Variants in UBE3B observed in about 807,000 individuals in gnomAD.
UBE3B encodes the protein ubiquitin-protein ligase E3B.
Under a neutral mutation model 132.3 loss-of-function variants are expected in UBE3B, and 80 were observed. The ratio of observed to expected loss-of-function variants is 0.60; its 90% confidence interval spans 0.50 to 0.73. UBE3B has a LOEUF of 0.73. UBE3B is among the 30% of genes least tolerant of loss of function. The pLI is 0.00. For missense variants in UBE3B, 1,196 were observed against 1,362.5 expected, an observed-to-expected ratio of 0.88 and a Z score of 1.92; for synonymous variants, 487 against 520.4, an observed-to-expected ratio of 0.94 and a Z score of 0.87.
intron 1 of UBE3B, among the ~76,000 whole-genome samples, chr12:109,481,036 C>T (rs535481493): frequency 2.9e-4 from 44 of 150,122 alleles, no homozygotes; most frequent in South Asian, 1.1e-3. Context: ...ACCCGGGAGG[C>T]GGAGCTTGCA....
intron 18 of UBE3B, among the ~76,000 whole-genome samples, chr12:109,514,147 C>G (rs1426973123): frequency 1.3e-5 from 2 of 152,176 alleles, no homozygotes; most frequent in African/African-American, 4.8e-5. Flanking sequence ...ATCGCTTTTA[C>G]CTGTTTATGT....
At chr12:109,530,158 GT>G in intron 25 of UBE3B, 86 bp downstream of exon 25, 1 of 1,496,942 alleles carries the variant, frequency 6.7e-7, no homozygotes, top group Non-Finnish European at 9.1e-7. Flanking sequence ...TTAGAGAGTT[GT>G]TTTAGGAGCC....
At chr12:109,491,971 A>T (rs1877528363) in intron 9 of UBE3B, 1 of 152,196 alleles carries the variant, frequency 6.6e-6, no homozygotes, top group Admixed American at 6.5e-5. Flanking sequence ...TTTCCATGGA[A>T]AACCTATTTG....
chr12:109,485,037 G>A (rs1376573084), intron 4 of UBE3B, among the ~76,000 whole-genome samples: 5 of 152,172 alleles, frequency 3.3e-5, no homozygotes, highest in African/African-American at 7.2e-5. Context: ...GATTACAGGC[G>A]TGAGCTACCA....
At chr12:109,508,447 A>G in intron 15 of UBE3B, 1 of 914,462 alleles carries the variant, frequency 1.1e-6, no homozygotes, top group Non-Finnish European at 1.3e-6. Flanking sequence ...ATTAACAAAC[A>G]TTAGTCCCAT....
intron 26 of UBE3B, among the ~76,000 whole-genome samples, chr12:109,531,274 G>A (rs1882913206): frequency 6.6e-6 from 1 of 152,186 alleles, no homozygotes; most frequent in South Asian, 2.1e-4. Flanking sequence ...AGTTGTAAAT[G>A]TTCAAAATAT....
At chr12:109,500,431 C>T (rs1477744298) in intron 12 of UBE3B, among the ~76,000 whole-genome samples, 1 of 152,170 alleles carries the variant, frequency 6.6e-6, no homozygotes, top group African/African-American at 2.4e-5. Context: ...GCATGGGGTC[C>T]CTGGCAGTTA....
At chr12:109,493,637 AC>A (rs1566081799) in intron 9 of UBE3B, among the ~76,000 whole-genome samples, 1 of 152,192 alleles carries the variant, frequency 6.6e-6, no homozygotes, top group East Asian at 1.9e-4. Flanking sequence ...CACAATCAGG[AC>A]CTTTTAAAGT....
intron 1 of UBE3B, among the ~76,000 whole-genome samples, chr12:109,478,564 T>G (rs1874746737): frequency 6.6e-6 from 1 of 152,194 alleles, no homozygotes; most frequent in African/African-American, 2.4e-5. Flanking sequence ...GCGGATCACC[T>G]GAGGTCAGAA....
At chr12:109,495,736 G>A (rs1211588912) in intron 9 of UBE3B, among the ~76,000 whole-genome samples, 1 of 152,236 alleles carries the variant, frequency 6.6e-6, no homozygotes, top group African/African-American at 2.4e-5. Context: ...AAAGGGATGG[G>A]CTCTGGCTAG....
chr12:109,534,553 G>A lies in UBE3B; in HGVS notation c.3016-38G>A, dbSNP rs1285412402. ...GGCATCAGCCTGGGCTCCCAAACTA[G>A]GCCCTTCCCAATTCAAGGCCACGAT... is the stretch of plus-strand genomic sequence containing the variant. On this transcript the variant is annotated intron_variant, in intron 27 of 27. Coordinates refer to ENST00000342494, the MANE Select transcript of UBE3B (RefSeq NM_130466.4). This position sits in a 1 kb window ranked among gnomAD's most constrained non-coding sequence, Gnocchi z 5.2. The A allele has an allele frequency of 1.9e-6, 3 of 1,572,682 alleles. No individual in the cohort carries two copies. Among genetic ancestry groups the A allele is most frequent in the Middle Eastern group, 1.7e-4 (1 of 5,738 alleles).
chr12:109,530,744 C>T, intron 26 of UBE3B, 86 bp downstream of exon 26: 3 of 1,326,864 alleles, frequency 2.3e-6, no homozygotes, highest in Non-Finnish European at 3.2e-6. Flanking sequence ...GCTGAAGAAA[C>T]TGAAATTATC....
chr12:109,500,091 C>A (rs1878769296), intron 12 of UBE3B, among the ~76,000 whole-genome samples: 1 of 152,094 alleles, frequency 6.6e-6, no homozygotes, highest in African/African-American at 2.4e-5. Context: ...TATTTTGTTC[C>A]TTCCATTCAG....
At chr12:109,537,650 C>T (rs967381656), downstream of UBE3B, among the ~76,000 whole-genome samples, 3 of 152,214 alleles carry the variant, frequency 2.0e-5, no homozygotes, top group African/African-American at 7.2e-5. Flanking sequence ...CGCCAGCCTC[C>T]AGTGTGAGGC....
In UBE3B at chr12:109,481,696, A is replaced by G. The variant is rs1384825128; in HGVS notation, c.-68A>G. ...TTCTCAGCCACGAGTCCTGTGCAAG[A>G]TCACTAATGATTACCTGGCATTTCT... On this transcript the variant is annotated 5_prime_UTR_variant, in exon 2 of 28. Coordinates refer to ENST00000342494, the MANE Select transcript of UBE3B (RefSeq NM_130466.4). 6.6e-6 allele frequency: 1 copy of G among 152,194 alleles called. No individual in the cohort carries two copies. The highest frequency in any genetic ancestry group is 1.5e-5 in the Non-Finnish European group (1 of 68,034). The allele number at this position is 152,194 out of a possible 1,614,324, so 9.4% of individuals were successfully genotyped here. A position where few individuals can be genotyped will look rare whatever the true frequency, so the allele number is the denominator to read the frequency against.
intron 1 of UBE3B, among the ~76,000 whole-genome samples, 185 bp downstream of exon 1, chr12:109,478,294 CT>C (rs1481656238): frequency 1.3e-5 from 2 of 152,202 alleles, no homozygotes; most frequent in Admixed American, 1.3e-4. Context: ...CTCAACTTCT[CT>C]TTGCTTGGCC....
At position 109,481,669 on chromosome 12, in the gene UBE3B, T is replaced by G. The variant is rs530940752; in HGVS notation, c.-95T>G. 6.6e-6 allele frequency: 1 copy of G among 152,338 alleles called. No homozygotes were observed. Among genetic ancestry groups the G allele is most frequent in the African/African-American group, 2.4e-5 (1 of 41,578 alleles). 9.4% of individuals were successfully genotyped at this position (152,338 alleles called of 1,614,324 possible). A position where few individuals can be genotyped will look rare whatever the true frequency, so the allele number is the denominator to read the frequency against. On this transcript the variant is annotated 5_prime_UTR_variant, in exon 2 of 28. Coordinates refer to ENST00000342494, the MANE Select transcript of UBE3B (RefSeq NM_130466.4). Reference sequence around the variant, plus strand: ...AACAAGCTTTTCTGAAGTGAGAAGCTGTTCTCAGCCACGAGTCCTGTGCAA... The same window carrying G: ...AACAAGCTTTTCTGAAGTGAGAAGCGGTTCTCAGCCACGAGTCCTGTGCAA...
chr12:109,520,763 TTC>T (rs1881612614), intron 19 of UBE3B: 1 of 160,534 alleles, frequency 6.2e-6, no homozygotes, highest in African/African-American at 2.4e-5. Context: ...TTTTTCTTTT[TTC>T]TTTTTTTTAC....
At position 109,522,655 on chromosome 12, in the gene UBE3B, C is replaced by G. The variant is rs182029882; in HGVS notation, c.2364+1104C>G. On this transcript the variant is annotated intron_variant, in intron 21 of 27. Coordinates refer to ENST00000342494, the MANE Select transcript of UBE3B (RefSeq NM_130466.4). This position sits in a 1 kb window ranked among gnomAD's most constrained non-coding sequence, Gnocchi z 4.2. The stretch of plus-strand genomic sequence containing the variant: ...AGAGGGAGGTCTCAGGGCCAAACTC[C>G]TTTCACTCTCGAATAATCCATTGTT... 3.9e-5 allele frequency among the ~76,000 whole-genome samples: 6 copies of G among 152,312 alleles called. No homozygotes were observed. Among genetic ancestry groups the G allele is most frequent in the Non-Finnish European group, 8.8e-5 (6 of 68,038 alleles).
Sources: allele counts gnomAD v4.1 joint callset (sites outside exome capture counted in the v4.1 genomes callset), GRCh38; gene constraint gnomAD v4.1.1; non-coding constraint Gnocchi (gnomAD v3.1); transcripts MANE v1.5; gene names NCBI Gene and HGNC (gene_info 2026-07-23, HGNC 2026-07-21).